PKD2: variants seen among roughly 807,000 people sequenced by gnomAD.
PKD2 encodes polycystin 2, transient receptor potential cation channel, also known as polycystin-2.
PKD2 carries 48 observed loss-of-function variants against 105.9 expected under a neutral mutation model. The ratio of observed to expected loss-of-function variants is 0.45; its 90% CI spans 0.36 to 0.58. The LOEUF (loss-of-function observed/expected upper bound fraction) is 0.58, where lower values mean the gene tolerates loss of function less well. PKD2 is among the 20% of genes least tolerant of loss of function. PKD2 has a pLI of 0.00. For missense variants in PKD2, 1,078 were observed against 1,255.3 expected (o/e 0.86, Z 2.13); for synonymous variants, 464 against 481.1 (o/e 0.96, Z 0.46).
intron 2 of PKD2, among the ~76,000 whole-genome samples, chr4:88,032,430 G>A (rs545970541): frequency 1.3e-4 from 20 of 152,174 alleles, no homozygotes; most frequent in Admixed American, 4.6e-4. Context: ...TTCGGAGGCC[G>A]AGGTGGGCAG....
At chr4:88,039,172 C>T (rs926092607) in intron 4 of PKD2, among the ~76,000 whole-genome samples, 8 of 152,106 alleles carry the variant, frequency 5.3e-5, no homozygotes, top group African/African-American at 2.4e-5. Context: ...TCCCTGGGTA[C>T]GTCACTGGTC....
Position 88,036,116 on chromosome 4 carries a change from T to C in PKD2, c.710-104T>C. On this transcript the variant is annotated intron_variant, in intron 2 of 14. Transcript: ENST00000237596. ...TGAGAGAAGACCTTGTGTGAATTTG[T>C]CCAAAATGTTTATCCACAGGAACAA... 5.7e-6 allele frequency: 9 copies of C among 1,592,612 alleles called. No homozygotes were observed. In the South Asian group the frequency reaches 1.0e-4, roughly 18 times the overall value.
chr4:88,059,568 G>A (rs1720487588), intron 9 of PKD2, among the ~76,000 whole-genome samples: 1 of 152,078 alleles, frequency 6.6e-6, no homozygotes, highest in Non-Finnish European at 1.5e-5. Context: ...CCTTTAGTAG[G>A]CAGCCATCTT....
rs1239907673 is a variant in PKD2 at position 88,052,018 on chromosome 4, A to G, written c.1576A>G (p.Ile526Val). Residue 526 changes from isoleucine (I) to valine (V), a missense_variant, in exon 7 of 15, where the codon ATA becomes GTA. By Grantham distance (29) the Ile-to-Val change is conservative. Around this residue, in one of 2 missense-constraint regions of PKD2, gnomAD observed 868 missense variants for 1,067.3 expected, o/e 0.81. Coordinates refer to ENST00000237596, the MANE Select transcript of PKD2 (RefSeq NM_000297.4). ...VLSVVAIGINIYRTSNVEVLL... is the reference protein window; with the variant it reads ...VLSVVAIGINVYRTSNVEVLL... ...GTCAGTGGTAGCTATAGGAATTAAC[A>G]TATACAGAACATCAAATGTGGAGGT... 1 of 1,596,346 alleles carries G rather than the reference A, an allele frequency of 6.3e-7. No homozygotes were observed. The highest frequency in any genetic ancestry group is 2.2e-5 in the East Asian group (1 of 44,762).
At position 88,038,422 on chromosome 4, in the gene PKD2, G is replaced by A; in HGVS notation, c.1015G>A (p.Asp339Asn). Residue 339 changes from aspartate (D) to asparagine (N), a missense_variant, in exon 4 of 15, where the codon GAT becomes AAT. By Grantham distance (23) the Asp-to-Asn change is conservative. Around this residue, in one of 2 missense-constraint regions of PKD2, gnomAD observed 868 missense variants for 1,067.3 expected, o/e 0.81. Coordinates refer to ENST00000237596, the MANE Select transcript of PKD2 (RefSeq NM_000297.4). ...GSCSIPQDLR[D>N]EIKECYDVYS... ...CTGCTCTATCCCCCAGGACTTGAGA[G>A]ATGAAATTAAAGAGTGCTATGATGT... The A allele has an allele frequency of 6.2e-7, 1 of 1,613,686 alleles. No homozygotes were observed. Among genetic ancestry groups the A allele is most frequent in the Non-Finnish European group, 8.5e-7 (1 of 1,179,610 alleles).
At chr4:88,038,526 C>T (rs770432666) in intron 4 of PKD2, 25 bp downstream of exon 4, 5 of 1,611,754 alleles carry the variant, frequency 3.1e-6, no homozygotes, top group African/African-American at 1.3e-5. Context: ...CTCATTGCCA[C>T]TCGGTGATAT....
At chr4:88,047,076 A>G (rs998975263) in intron 6 of PKD2, among the ~76,000 whole-genome samples, 4 of 152,220 alleles carry the variant, frequency 2.6e-5, no homozygotes, top group Admixed American at 6.5e-5. Flanking sequence ...TATTTACAGT[A>G]TGCTCTCAGC....
At chr4:88,036,139 C>T (rs1231071301) in intron 2 of PKD2, 81 bp from the exon 3 acceptor site, 9 of 1,611,644 alleles carry the variant, frequency 5.6e-6, no homozygotes, top group Non-Finnish European at 7.6e-6. Context: ...TCCACAGGAA[C>T]AATCCCTTTG....
chr4:88,073,951 T>G (rs960249928), intron 13 of PKD2, among the ~76,000 whole-genome samples: 10 of 152,344 alleles, frequency 6.6e-5, no homozygotes, highest in Middle Eastern at 3.4e-3. Context: ...TTTTTTAAGT[T>G]CAAAATAATA....
At chr4:88,009,992 G>A (rs11934276) in intron 1 of PKD2, among the ~76,000 whole-genome samples, 4,113 of 152,090 alleles carry the variant, frequency 0.027, 67 homozygotes, top group South Asian at 0.047. Flanking sequence ...TCTTTTAAAG[G>A]AAAATTTCAG....
chr4:88,071,915 C>T (rs1449539162), intron 13 of PKD2, among the ~76,000 whole-genome samples: 1 of 151,266 alleles, frequency 6.6e-6, no homozygotes, highest in Non-Finnish European at 1.5e-5. Context: ...ATGTAATTTG[C>T]TCCACAGTCT....
chr4:88,020,990 G>A (rs150859152), intron 2 of PKD2, among the ~76,000 whole-genome samples: 102 of 152,306 alleles, frequency 6.7e-4, no homozygotes, highest in Non-Finnish European at 1.2e-3. Flanking sequence ...CAGCCTGGAT[G>A]TGATATTTTT....
At chr4:88,039,765 C>A (rs891223486) in intron 4 of PKD2, among the ~76,000 whole-genome samples, 2 of 151,626 alleles carry the variant, frequency 1.3e-5, no homozygotes, top group Non-Finnish European at 2.9e-5. Flanking sequence ...ATAGTGATTT[C>A]GCTTTCTTTA....
At chr4:88,024,488 AAAG>A (rs1222449160) in intron 2 of PKD2, among the ~76,000 whole-genome samples, 1 of 149,508 alleles carries the variant, frequency 6.7e-6, no homozygotes, top group Non-Finnish European at 1.5e-5. Flanking sequence ...AAAAAGAAAG[AAAG>A]AAGGAAGGAA....
At chr4:88,017,127 C>T (rs1046988161) in intron 1 of PKD2, among the ~76,000 whole-genome samples, 1 of 152,012 alleles carries the variant, frequency 6.6e-6, no homozygotes, top group Non-Finnish European at 1.5e-5. Flanking sequence ...AATTCGAGAC[C>T]AGCCTGGGCA....
rs529779778 is a variant in PKD2, at chr4:88,007,652, G to A, written c.-82G>A. The stretch of plus-strand genomic sequence containing the variant: ...CGGGGAGCAGGCGGCGGCGGGCGCC[G>A]GGAAGAAAGGAACATGGCTCCTGAG... On this transcript the variant is annotated 5_prime_UTR_variant, in exon 1 of 15. Coordinates refer to ENST00000237596, the MANE Select transcript of PKD2 (RefSeq NM_000297.4). 3.2e-6 allele frequency: 3 copies of A among 941,536 alleles called. No homozygotes were observed. The highest frequency in any genetic ancestry group is 4.5e-5 in the South Asian group (1 of 22,390). The allele number at this position is 941,536 out of a possible 1,614,324, so 58.3% of individuals were successfully genotyped here. A position where few individuals can be genotyped will look rare whatever the true frequency, so the allele number is the denominator to read the frequency against.
At chr4:88,014,260 C>T (rs954490330) in intron 1 of PKD2, among the ~76,000 whole-genome samples, 5 of 152,036 alleles carry the variant, frequency 3.3e-5, no homozygotes, top group African/African-American at 1.2e-4. Context: ...GCAAATTTTG[C>T]GGGAGGTGAG....
In PKD2 at chr4:88,070,629, A is replaced by G. The variant is rs7435803; in HGVS notation, c.2522+2568A>G. The stretch of plus-strand genomic sequence containing the variant: ...AGAGAGAGAGAGAGAGAGAGAGAGA[A>G]AGAGAGAGAGAGAGAGACAGGGAGA... On this transcript the variant is annotated intron_variant, in intron 13 of 14. Coordinates refer to ENST00000237596, the MANE Select transcript of PKD2 (RefSeq NM_000297.4). Among the ~76,000 whole-genome samples, 841 of 86,918 alleles carry G rather than the reference A, an allele frequency of 9.7e-3. 2 individuals carry two copies. The highest frequency in any genetic ancestry group is 0.015 in the Non-Finnish European group (578 of 39,096). 57.0% of individuals were successfully genotyped at this position (86,918 alleles called of 152,430 possible).
chr4:88,035,819 G>A (rs1727311129), intron 2 of PKD2, among the ~76,000 whole-genome samples: 1 of 152,178 alleles, frequency 6.6e-6, no homozygotes, highest in African/African-American at 2.4e-5. Context: ...CACAGCAGGA[G>A]GGTGGGGAGC....
Sources: allele counts gnomAD v4.1 joint callset (sites outside exome capture counted in the v4.1 genomes callset), GRCh38; gene constraint gnomAD v4.1.1; regional missense constraint gnomAD v4.1.1; transcripts MANE v1.5; gene names NCBI Gene and HGNC (gene_info 2026-07-23, HGNC 2026-07-21).